The following BCAS1 variants were observed in gnomAD, a reference collection of about 807,000 sequenced individuals.
The protein encoded by BCAS1 is breast carcinoma-amplified sequence 1.
BCAS1 carries 46 observed loss-of-function variants against 65.4 expected under a neutral mutation model. The observed-to-expected ratio is 0.70, with a 90% CI of 0.55 to 0.90. The LOEUF (loss-of-function observed/expected upper bound fraction) is 0.90, where lower values mean the gene tolerates loss of function less well. Ranked by LOEUF, BCAS1 falls within the 40% of genes least tolerant of loss-of-function variation. BCAS1 has a pLI of 0.00. For synonymous variants in BCAS1, 298 were observed against 293.5 expected (o/e 1.02, Z -0.16); for missense variants, 793 against 771.2 (o/e 1.03, Z -0.33).
intron 8 of BCAS1, among the ~76,000 whole-genome samples, chr20:53,982,044 G>T (rs539695357): frequency 6.6e-6 from 1 of 152,052 alleles, no homozygotes. Context: ...TACAATTATT[G>T]GTTTCTTATA....
chr20:54,038,981 A>G (rs972743733), intron 3 of BCAS1, among the ~76,000 whole-genome samples: 1 of 151,482 alleles, frequency 6.6e-6, no homozygotes, highest in Admixed American at 6.6e-5. Context: ...GGACAACACA[A>G]CACAGTAAGT....
chr20:54,047,576 A>G (rs1038608086), intron 3 of BCAS1, among the ~76,000 whole-genome samples: 1 of 152,218 alleles, frequency 6.6e-6, no homozygotes, highest in Non-Finnish European at 1.5e-5. Flanking sequence ...CTGTTGGGCC[A>G]TCTGGGAGAG....
intron 3 of BCAS1, 141 bp downstream of exon 3, chr20:54,057,944 C>G: frequency 1.5e-6 from 1 of 673,068 alleles, no homozygotes. Flanking sequence ...GGCATGGTAG[C>G]CCAAGGAACA....
intron 3 of BCAS1, among the ~76,000 whole-genome samples, chr20:54,045,849 G>C (rs1385699832): frequency 1.3e-5 from 2 of 152,124 alleles, no homozygotes; most frequent in Non-Finnish European, 2.9e-5. Context: ...TTAATGAATT[G>C]CCTCTATTCA....
At chr20:54,009,635 G>GA (rs980797452) in intron 4 of BCAS1, among the ~76,000 whole-genome samples, 3 of 152,120 alleles carry the variant, frequency 2.0e-5, no homozygotes, top group Non-Finnish European at 4.4e-5. Flanking sequence ...AGAATTCTAT[G>GA]AAATGTTTAA....
chr20:53,992,618 C>G lies in BCAS1; in HGVS notation c.956G>C (p.Gly319Ala). ...CTCGGATGTCTTCTGACCAGCTTGT[C>G]CATCACAGACACTTTCTGCTTTCGA... Reference protein sequence around the residue: ...TASKAESVCDGQAGQKTSEIQ... With the variant: ...TASKAESVCDAQAGQKTSEIQ... The change falls in exon 7 of 13, where the codon GGA (glycine) becomes GCA (alanine). Residue 319 changes from glycine (G) to alanine (A), a missense_variant. Physicochemically the swap from Gly to Ala is moderately conservative, Grantham distance 60. Coordinates refer to ENST00000688948, the MANE Select transcript of BCAS1 (RefSeq NM_001366298.2). The G allele has an allele frequency of 7.3e-7, 1 of 1,365,982 alleles. No individual in the cohort carries two copies. Among genetic ancestry groups the G allele is most frequent in the South Asian group, 1.1e-5 (1 of 88,012 alleles). 84.6% of individuals were successfully genotyped at this position (1,365,982 alleles called of 1,614,324 possible). A position where few individuals can be genotyped will look rare whatever the true frequency, so the allele number is the denominator to read the frequency against.
chr20:53,973,553 A>G (rs1364236440), intron 9 of BCAS1, among the ~76,000 whole-genome samples: 1 of 152,216 alleles, frequency 6.6e-6, no homozygotes, highest in Non-Finnish European at 1.5e-5. Context: ...TTCCTTAAAC[A>G]AGCAACTACA....
chr20:53,948,999 C>T (rs532957667), intron 12 of BCAS1, among the ~76,000 whole-genome samples: 7 of 152,256 alleles, frequency 4.6e-5, no homozygotes, highest in African/African-American at 1.7e-4. Context: ...TTCAAGCCTC[C>T]ATTTGTTCAC....
intron 4 of BCAS1, among the ~76,000 whole-genome samples, chr20:54,012,113 G>C (rs1373085419): frequency 6.6e-6 from 1 of 152,092 alleles, no homozygotes; most frequent in East Asian, 1.9e-4. Context: ...AATTTCCAGA[G>C]ATTTATGCTG....
At chr20:54,000,349 T>C (rs879810089) in intron 4 of BCAS1, among the ~76,000 whole-genome samples, 1 of 144,444 alleles carries the variant, frequency 6.9e-6, no homozygotes, top group Non-Finnish European at 1.5e-5. Flanking sequence ...ATATTAAAAC[T>C]CTCACTTGTC....
At chr20:53,972,886 C>G (rs188252855) in intron 9 of BCAS1, among the ~76,000 whole-genome samples, 1 of 152,132 alleles carries the variant, frequency 6.6e-6, no homozygotes, top group Non-Finnish European at 1.5e-5. Flanking sequence ...ATGGGATCAA[C>G]GTCACAACCA....
At position 54,003,968 on chromosome 20, in the gene BCAS1, G is replaced by A. The variant is rs573362636; in HGVS notation, c.724-7918C>T. Among the ~76,000 whole-genome samples the A allele has an allele frequency of 7.9e-5, 12 of 152,344 alleles. No individual in the cohort carries two copies. The South Asian group carries it at 2.5e-3, about 32-fold the overall frequency. ...GCTGCAAATTCTATTTATAGCAGAT[G>A]AGTGTTGATATACGTATGAGGAAGG... On this transcript the variant is annotated intron_variant, in intron 4 of 12. Coordinates refer to ENST00000688948, the MANE Select transcript of BCAS1 (RefSeq NM_001366298.2).
intron 4 of BCAS1, among the ~76,000 whole-genome samples, chr20:54,022,592 G>A (rs748991255): frequency 2.0e-5 from 3 of 152,110 alleles, no homozygotes; most frequent in African/African-American, 4.8e-5. Flanking sequence ...GATGGATCTC[G>A]ATTCCACTTC....
chr20:54,038,977 C>T (rs1460194616), intron 3 of BCAS1, among the ~76,000 whole-genome samples: 1 of 151,266 alleles, frequency 6.6e-6, no homozygotes, highest in Non-Finnish European at 1.5e-5. Context: ...AAGTGGACAA[C>T]ACAACACAGT....
intron 3 of BCAS1, among the ~76,000 whole-genome samples, chr20:54,042,096 C>T (rs951578761): frequency 4.6e-5 from 7 of 151,918 alleles, no homozygotes; most frequent in Admixed American, 4.6e-4. Flanking sequence ...CAAAGGCTTA[C>T]GTATGGAACT....
At chr20:53,953,298 G>A (rs2089587775) in intron 12 of BCAS1, 134 bp downstream of exon 12, 1 of 1,161,052 alleles carries the variant, frequency 8.6e-7, no homozygotes, top group Non-Finnish European at 1.2e-6. Context: ...TCACATAGCA[G>A]TTCAAAAACC....
intron 4 of BCAS1, among the ~76,000 whole-genome samples, chr20:54,006,698 A>C (rs968391524): frequency 1.4e-5 from 2 of 139,038 alleles, no homozygotes; most frequent in African/African-American, 5.7e-5. Flanking sequence ...CGACAGAGTG[A>C]GACTCCATCT....
At chr20:53,950,441 C>T (rs1240845494) in intron 12 of BCAS1, among the ~76,000 whole-genome samples, 1 of 150,676 alleles carries the variant, frequency 6.6e-6, no homozygotes, top group Admixed American at 6.6e-5. Flanking sequence ...CACACCCCGC[C>T]CCCAGACACA....
chr20:54,044,919 T>C (rs2092072152), intron 3 of BCAS1, among the ~76,000 whole-genome samples: 1 of 150,354 alleles, frequency 6.7e-6, no homozygotes, highest in Admixed American at 6.6e-5. Context: ...AGTTTAAAAA[T>C]ACTTATGCCA....
Sources: gnomAD v4.1 joint callset for allele counts (sites outside exome capture counted in the v4.1 genomes callset) on GRCh38, gnomAD v4.1.1 for gene constraint, MANE v1.5 for transcripts, NCBI Gene and HGNC (gene_info 2026-07-23, HGNC 2026-07-21) for gene names.